Variants in CSGALNACT1 observed in about 807,000 individuals in gnomAD.
CSGALNACT1 encodes beta4GalNAcT-1.
Under a neutral mutation model 51.0 loss-of-function variants are expected in CSGALNACT1, and 52 were observed. That is an observed-to-expected ratio of 1.02 (90% CI 0.82 to 1.29). The LOEUF (loss-of-function observed/expected upper bound fraction) is 1.29, where lower values mean the gene tolerates loss of function less well. CSGALNACT1 is among the 50% of genes most tolerant of loss of function. CSGALNACT1 has a pLI of 0.00. For missense variants in CSGALNACT1, 935 were observed against 679.2 expected (o/e 1.38, Z -4.19); for synonymous variants, 341 against 254.4 (o/e 1.34, Z -3.24).
intron 1 of CSGALNACT1, among the ~76,000 whole-genome samples, chr8:19,746,424 T>C (rs2064668456): frequency 6.6e-6 from 1 of 152,140 alleles, no homozygotes; most frequent in African/African-American, 2.4e-5. Context: ...GCAGAGCCCA[T>C]CACGTGCAGA....
intron 5 of CSGALNACT1, among the ~76,000 whole-genome samples, chr8:19,452,882 G>A (rs1021953506): frequency 3.9e-5 from 6 of 152,156 alleles, no homozygotes; most frequent in Non-Finnish European, 7.3e-5. Context: ...CAAAGCCCCT[G>A]GGGGTTCTTC....
At chr8:19,751,507 C>G (rs1322850928) in intron 1 of CSGALNACT1, among the ~76,000 whole-genome samples, 1 of 152,124 alleles carries the variant, frequency 6.6e-6, no homozygotes, top group Non-Finnish European at 1.5e-5. Flanking sequence ...ATCCTCTGTT[C>G]CAGATTATTG....
chr8:19,497,005 A>C (rs969344010), intron 4 of CSGALNACT1, among the ~76,000 whole-genome samples: 3 of 152,090 alleles, frequency 2.0e-5, no homozygotes, highest in African/African-American at 7.2e-5. Context: ...CCCTCTATGG[A>C]GCAAAAACCT....
chr8:19,598,502 G>C (rs1308228477), intron 2 of CSGALNACT1, among the ~76,000 whole-genome samples: 1 of 152,112 alleles, frequency 6.6e-6, no homozygotes, highest in African/African-American at 2.4e-5. Context: ...TTTCAAATAG[G>C]AGCAACTTGC....
chr8:19,647,370 T>TC (rs2057376640), intron 1 of CSGALNACT1, among the ~76,000 whole-genome samples: 1 of 152,200 alleles, frequency 6.6e-6, no homozygotes. Flanking sequence ...TGAGTTGGAA[T>TC]CATGCCACTG....
intron 6 of CSGALNACT1, among the ~76,000 whole-genome samples, chr8:19,425,916 C>T (rs1340364557): frequency 2.6e-5 from 4 of 152,104 alleles, no homozygotes; most frequent in African/African-American, 9.7e-5. Flanking sequence ...TCCTGTGCCT[C>T]GCCGCAAACT....
chr8:19,720,714 A>G (rs1047907379), intron 1 of CSGALNACT1, among the ~76,000 whole-genome samples: 1 of 152,118 alleles, frequency 6.6e-6, no homozygotes, highest in Non-Finnish European at 1.5e-5. Flanking sequence ...TTGTTCTCAG[A>G]GCCCAAAAGG....
chr8:19,723,069 C>G (rs2063212558), intron 1 of CSGALNACT1, among the ~76,000 whole-genome samples: 1 of 152,306 alleles, frequency 6.6e-6, no homozygotes, highest in East Asian at 1.9e-4. Context: ...TTAGAGCAAG[C>G]CTCCTCTATT....
intron 3 of CSGALNACT1, among the ~76,000 whole-genome samples, chr8:19,586,246 C>A (rs991914761): frequency 3.9e-5 from 6 of 151,906 alleles, no homozygotes; most frequent in African/African-American, 1.5e-4. Context: ...GTAATCCCAG[C>A]TACTTGGGAG....
intron 3 of CSGALNACT1, among the ~76,000 whole-genome samples, chr8:19,575,265 T>C (rs1301485999): frequency 1.3e-5 from 2 of 152,260 alleles, no homozygotes; most frequent in African/African-American, 4.8e-5. Context: ...AGCTGCACTC[T>C]GGTTGTCGCC....
chr8:19,456,277 G>C (rs1252511240), intron 5 of CSGALNACT1, among the ~76,000 whole-genome samples: 1 of 152,178 alleles, frequency 6.6e-6, no homozygotes, highest in Non-Finnish European at 1.5e-5. Flanking sequence ...GTGAGGACTT[G>C]TCCTTTCACC....
exon 10 of CSGALNACT1, chr8:19,404,354 A>G: frequency 2.2e-6 from 1 of 453,968 alleles, no homozygotes. Flanking sequence ...ACTCAAAGAG[A>G]TAATTAGCTC....
chr8:19,482,400 C>T (rs186404356), intron 4 of CSGALNACT1, among the ~76,000 whole-genome samples: 23 of 152,296 alleles, frequency 1.5e-4, no homozygotes, highest in African/African-American at 4.8e-4. Flanking sequence ...TCTTGTCCCA[C>T]GGCAACCTTA....
chr8:19,591,483 C>T (rs531810228), intron 2 of CSGALNACT1, among the ~76,000 whole-genome samples: 1 of 152,300 alleles, frequency 6.6e-6, no homozygotes, highest in South Asian at 2.1e-4. Flanking sequence ...TATATTCATC[C>T]ATCTTCAATT....
intron 3 of CSGALNACT1, among the ~76,000 whole-genome samples, chr8:19,533,667 G>A (rs915796333): frequency 2.6e-5 from 4 of 152,094 alleles, no homozygotes; most frequent in Non-Finnish European, 5.9e-5. Flanking sequence ...TGAGAGCAAG[G>A]AATGGCTCTT....
intron 3 of CSGALNACT1, among the ~76,000 whole-genome samples, chr8:19,554,746 C>T (rs993265550): frequency 5.3e-5 from 8 of 151,832 alleles, no homozygotes; most frequent in Non-Finnish European, 1.2e-4. Context: ...GGTGAAACCC[C>T]GTCTCTACTA....
In CSGALNACT1 at chr8:19,445,822, TGA is replaced by T. The variant is rs529833427; in HGVS notation, c.852-5893_852-5892del. On this transcript the variant is annotated intron_variant, in intron 5 of 9. Transcript: ENST00000454498. ...TCCATCCACTGGAAAGGTGTGTGTG[TGA>T]GAGTGTGTATGTGAGTGAATGTGTC... Among the ~76,000 whole-genome samples, 632 of 152,226 alleles carry T rather than the reference TGA, an allele frequency of 4.2e-3. 7 individuals carry two copies. The highest frequency in any genetic ancestry group is 0.015 in the African/African-American group (605 of 41,524).
At chr8:19,420,878 G>T (rs535599619) in intron 6 of CSGALNACT1, among the ~76,000 whole-genome samples, 1 of 152,160 alleles carries the variant, frequency 6.6e-6, no homozygotes, top group Non-Finnish European at 1.5e-5. Flanking sequence ...TGAGCCAACC[G>T]AATGAGGCCA....
chr8:19,508,279 T>C (rs1278607448), intron 3 of CSGALNACT1, among the ~76,000 whole-genome samples: 1 of 152,212 alleles, frequency 6.6e-6, no homozygotes, highest in African/African-American at 2.4e-5. Context: ...CAGTTCCTCT[T>C]CTATTACCCA....
Sources: allele counts gnomAD v4.1 joint callset (sites outside exome capture counted in the v4.1 genomes callset), GRCh38; gene constraint gnomAD v4.1.1; transcripts MANE v1.5; gene names NCBI Gene and HGNC (gene_info 2026-07-23, HGNC 2026-07-21).